The following ASIC2 variants were observed in gnomAD, a reference collection of about 807,000 sequenced individuals.
ASIC2 encodes acid sensing ion channel subunit 2.
In ASIC2, 25 loss-of-function variants were observed where a neutral mutation model predicts 57.3. The observed-to-expected ratio is 0.44, with a 90% CI of 0.32 to 0.61. The LOEUF is 0.61. Among genes scored for constraint, ASIC2 ranks in the 20% least tolerant of loss-of-function variants. The pLI is 0.06. For missense variants in ASIC2, 641 were observed against 738.1 expected, an observed-to-expected ratio of 0.87 and a Z score of 1.52; for synonymous variants, 319 against 307.5, an observed-to-expected ratio of 1.04 and a Z score of -0.39.
At chr17:33,810,113 T>A (rs547742315) in intron 1 of ASIC2, among the ~76,000 whole-genome samples, 1 of 152,352 alleles carries the variant, frequency 6.6e-6, no homozygotes, top group African/African-American at 2.4e-5. Flanking sequence ...AAATCACTTG[T>A]ACAATCCAGG....
intron 1 of ASIC2, among the ~76,000 whole-genome samples, chr17:33,571,216 G>A (rs148893227): frequency 5.7e-4 from 87 of 152,102 alleles, no homozygotes; most frequent in African/African-American, 2.0e-3. Context: ...AGATCATCTC[G>A]ACTCTCCTAT....
chr17:33,018,359 A>C (rs868084383), intron 7 of ASIC2, among the ~76,000 whole-genome samples: 51 of 152,328 alleles, frequency 3.3e-4, no homozygotes, highest in Admixed American at 2.6e-4. Context: ...ATAGAATCAG[A>C]GCCTCTGCGG....
chr17:33,980,657 A>G (rs2142003884), intron 1 of ASIC2: 1 of 152,398 alleles, frequency 6.6e-6, no homozygotes, highest in East Asian at 1.9e-4. Context: ...CTGCCTGCAG[A>G]AAGTTCTCAG....
chr17:33,734,914 T>A (rs1270869455), intron 1 of ASIC2, among the ~76,000 whole-genome samples: 1 of 152,226 alleles, frequency 6.6e-6, no homozygotes, highest in African/African-American at 2.4e-5. Flanking sequence ...GGTCTTGTAT[T>A]ATGGCAACTC....
chr17:33,281,048 C>G (rs577825389), intron 1 of ASIC2, among the ~76,000 whole-genome samples: 2 of 152,180 alleles, frequency 1.3e-5, no homozygotes, highest in Non-Finnish European at 2.9e-5. Flanking sequence ...GAGGAACAAA[C>G]TGATATTGCT....
At chr17:33,387,895 C>A (rs1234441346) in intron 1 of ASIC2, among the ~76,000 whole-genome samples, 1 of 152,102 alleles carries the variant, frequency 6.6e-6, no homozygotes, top group Non-Finnish European at 1.5e-5. Context: ...GCCTGGCCAA[C>A]ATGATGATTT....
chr17:33,836,088 A>G (rs1913266315), intron 1 of ASIC2, among the ~76,000 whole-genome samples: 1 of 146,740 alleles, frequency 6.8e-6, no homozygotes, highest in South Asian at 2.2e-4. Context: ...ACACACATAT[A>G]TAATTATCTC....
At chr17:33,107,764 C>A (rs2092241042) in intron 2 of ASIC2, among the ~76,000 whole-genome samples, 1 of 152,222 alleles carries the variant, frequency 6.6e-6, no homozygotes, top group African/African-American at 2.4e-5. Context: ...GTGGTCAACA[C>A]CATCACCACC....
At chr17:33,386,173 C>T (rs184079404) in intron 1 of ASIC2, among the ~76,000 whole-genome samples, 213 of 152,270 alleles carry the variant, frequency 1.4e-3, no homozygotes, top group Non-Finnish European at 2.4e-3. Context: ...TATGTGCTCT[C>T]TCCCAAATAT....
chr17:33,312,023 G>T (rs1391891740), intron 1 of ASIC2, among the ~76,000 whole-genome samples: 2 of 152,150 alleles, frequency 1.3e-5, no homozygotes, highest in African/African-American at 4.8e-5. Flanking sequence ...TGGTCTCTGG[G>T]AGTGCTGTCA....
intron 1 of ASIC2, among the ~76,000 whole-genome samples, chr17:33,560,642 C>T (rs1453429224): frequency 2.0e-5 from 3 of 152,020 alleles, no homozygotes; most frequent in Non-Finnish European, 4.4e-5. Context: ...CAAAACTGTG[C>T]CCTAGAAAAT....
chr17:33,086,136 C>T (rs1430398881), intron 3 of ASIC2, among the ~76,000 whole-genome samples: 1 of 152,026 alleles, frequency 6.6e-6, no homozygotes, highest in Non-Finnish European at 1.5e-5. Flanking sequence ...GACTTCCCAC[C>T]CAGCCCAGAA....
At chr17:33,377,146 G>C (rs1031049832) in intron 1 of ASIC2, among the ~76,000 whole-genome samples, 7 of 152,108 alleles carry the variant, frequency 4.6e-5, no homozygotes, top group Non-Finnish European at 8.8e-5. Context: ...CTCCTCCTGG[G>C]TTCAAGTGAT....
At position 33,014,450 on chromosome 17, in the gene ASIC2, T is replaced by C. The variant is rs186771471; in HGVS notation, c.1591-384A>G. On this transcript the variant is annotated intron_variant, in intron 9 of 9. Coordinates refer to ENST00000225823, the MANE Select transcript of ASIC2 (RefSeq NM_183377.2). The stretch of plus-strand genomic sequence containing the variant: ...TGGTGCAGGAAGTGCAGCCCATGGC[T>C]AAGCCTGGGGCAGGGAGGACCCATG... Among the ~76,000 whole-genome samples, 210 of 152,088 alleles carry C rather than the reference T, an allele frequency of 1.4e-3. 1 individual carries two copies. Among genetic ancestry groups the C allele is most frequent in the African/African-American group, 4.9e-3 (205 of 41,488 alleles).
At chr17:33,998,870 T>C (rs930891264) in intron 1 of ASIC2, among the ~76,000 whole-genome samples, 3 of 152,198 alleles carry the variant, frequency 2.0e-5, no homozygotes, top group African/African-American at 4.8e-5. Flanking sequence ...TCTGTATGTT[T>C]GTTAGGTCCA....
rs149683307 is a variant in ASIC2, at chr17:34,097,885, C to T, written c.555+58093G>A. 1.4e-3 allele frequency among the ~76,000 whole-genome samples: 213 copies of T among 152,256 alleles called. 1 individual carries two copies. Among genetic ancestry groups the T allele is most frequent in the African/African-American group, 5.0e-3 (208 of 41,534 alleles). ...ATCTGAGGCCCCAGAATTAACATGG[C>T]AGACCACTCCACCAATATGTGGTGG... On this transcript the variant is annotated intron_variant, in intron 1 of 9. Transcript: ENST00000359872.
intron 1 of ASIC2, among the ~76,000 whole-genome samples, chr17:33,591,811 C>A (rs1364050647): frequency 6.6e-6 from 1 of 152,204 alleles, no homozygotes; most frequent in African/African-American, 2.4e-5. Flanking sequence ...CTGAGCCCCT[C>A]TCCTTGCTCG....
intron 1 of ASIC2, among the ~76,000 whole-genome samples, chr17:33,616,806 G>A (rs1450860876): frequency 6.6e-6 from 1 of 152,246 alleles, no homozygotes. Flanking sequence ...CCATTCTTTA[G>A]CAGCAGTTGT....
chr17:33,105,364 T>C (rs1283465215), intron 2 of ASIC2, among the ~76,000 whole-genome samples: 1 of 152,198 alleles, frequency 6.6e-6, no homozygotes, highest in Non-Finnish European at 1.5e-5. Context: ...CCTGCTGCCA[T>C]GTAAGATGTG....
Sources: allele counts gnomAD v4.1 joint callset (sites outside exome capture counted in the v4.1 genomes callset), GRCh38; gene constraint gnomAD v4.1.1; transcripts MANE v1.5; gene names NCBI Gene and HGNC (gene_info 2026-07-23, HGNC 2026-07-21).